SEPTIN7: variants seen among roughly 807,000 people sequenced by gnomAD.
SEPTIN7 encodes the protein septin-7.
SEPTIN7 carries 10 observed loss-of-function variants against 63.3 expected under a neutral mutation model. The observed-to-expected ratio is 0.16, with a 90% confidence interval of 0.10 to 0.27. SEPTIN7 has a LOEUF of 0.27. Among genes scored for constraint, SEPTIN7 ranks in the 10% least tolerant of loss-of-function variants. The probability of loss-of-function intolerance (pLI) is 1.00; values close to 1 mark genes in which losing one functional copy is unlikely to be tolerated. For synonymous variants in SEPTIN7, 131 were observed against 165.3 expected (o/e 0.79, Z 1.59); for missense variants, 310 against 521.0 (o/e 0.59, Z 3.94).
At chr7:35,843,762 C>G (rs1260965894) in intron 3 of SEPTIN7, among the ~76,000 whole-genome samples, 2 of 152,106 alleles carry the variant, frequency 1.3e-5, no homozygotes, top group Non-Finnish European at 2.9e-5. Flanking sequence ...GCATGTCCCC[C>G]AAATTTACTA....
At chr7:35,850,944 G>A (rs993209432) in intron 3 of SEPTIN7, among the ~76,000 whole-genome samples, 14 of 152,076 alleles carry the variant, frequency 9.2e-5, no homozygotes, top group South Asian at 6.2e-4. Context: ...AAAGATAAGC[G>A]AGCATCTTTA....
chr7:35,892,826 C>T (rs1311944676), intron 11 of SEPTIN7, among the ~76,000 whole-genome samples: 1 of 152,064 alleles, frequency 6.6e-6, no homozygotes, highest in Non-Finnish European at 1.5e-5. Flanking sequence ...CATGACCATA[C>T]TTTGCCTATG....
downstream of SEPTIN7, among the ~76,000 whole-genome samples, chr7:35,911,477 G>T (rs1476564310): frequency 6.6e-6 from 1 of 152,194 alleles, no homozygotes. Flanking sequence ...TAGGAAGATT[G>T]CATTGCAGAA....
chr7:35,912,762 T>G, the SEPTIN7 span, among the ~76,000 whole-genome samples: 1 of 152,244 alleles, frequency 6.6e-6, no homozygotes, highest in Admixed American at 6.5e-5. Flanking sequence ...GAAGGAAATG[T>G]CTGCCATCTA....
chr7:35,859,798 C>T (rs1013673176), intron 3 of SEPTIN7, among the ~76,000 whole-genome samples: 11 of 152,128 alleles, frequency 7.2e-5, no homozygotes, highest in Admixed American at 5.9e-4. Flanking sequence ...ATTAGTGTGG[C>T]TTCTCTACCT....
chr7:35,886,725 C>T (rs1427673340), intron 10 of SEPTIN7, among the ~76,000 whole-genome samples: 1 of 151,964 alleles, frequency 6.6e-6, no homozygotes, highest in East Asian at 1.9e-4. Flanking sequence ...ACCCACTTTC[C>T]CAAAACATAA....
rs1234626961 is a variant in SEPTIN7, at chr7:35,857,362, A to C, written c.170-6190A>C. The stretch of plus-strand genomic sequence containing the variant: ...TTGATGGAGATCACCCAGTTAGTGT[A>C]GCTATGGTTCACATTGTAATTGGTC... On this transcript the variant is annotated intron_variant, in intron 3 of 13. Coordinates refer to ENST00000350320, the MANE Select transcript of SEPTIN7 (RefSeq NM_001788.6). Among the ~76,000 whole-genome samples the C allele has an allele frequency of 2.0e-5, 3 of 152,200 alleles. 1 individual carries two copies. The highest frequency in any genetic ancestry group is 2.0e-4 in the Admixed American group (3 of 15,286).
chr7:35,873,174 G>T (rs1786261924), intron 5 of SEPTIN7, among the ~76,000 whole-genome samples: 2 of 152,030 alleles, frequency 1.3e-5, no homozygotes, highest in Middle Eastern at 3.4e-3. Flanking sequence ...AAACAACTAT[G>T]AAATTTTAGT....
chr7:35,807,467 C>T (rs1788424874), intron 1 of SEPTIN7, among the ~76,000 whole-genome samples: 1 of 150,468 alleles, frequency 6.6e-6, no homozygotes, highest in Non-Finnish European at 1.5e-5. Context: ...CGGGTTCACA[C>T]CATTCTCCTG....
In SEPTIN7 at chr7:35,801,203, G is replaced by A. The variant is rs1158723875; in HGVS notation, c.-7G>A. 1 of 1,505,678 alleles carries A rather than the reference G, an allele frequency of 6.6e-7. No individual in the cohort carries two copies. The highest frequency in any genetic ancestry group is 8.9e-7 in the Non-Finnish European group (1 of 1,125,886). 93.3% of individuals were successfully genotyped at this position (1,505,678 alleles called of 1,614,324 possible). A position where few individuals can be genotyped will look rare whatever the true frequency, so the allele number is the denominator to read the frequency against. On this transcript the variant is annotated 5_prime_UTR_variant, in exon 1 of 14. Coordinates refer to ENST00000350320, the MANE Select transcript of SEPTIN7 (RefSeq NM_001788.6). Reference sequence around the variant, plus strand: ...CCGCTGGGGCTGGTCGCGGAGGGGGGGAGGGGATGTCGGTCAGTGCGAGAT... The same window carrying A: ...CCGCTGGGGCTGGTCGCGGAGGGGGAGAGGGGATGTCGGTCAGTGCGAGAT...
At chr7:35,817,716 A>G (rs1319583184) in intron 1 of SEPTIN7, among the ~76,000 whole-genome samples, 1 of 152,040 alleles carries the variant, frequency 6.6e-6, no homozygotes, top group Non-Finnish European at 1.5e-5. Context: ...TTTGTGAACA[A>G]CATTTTTATA....
At chr7:35,864,126 T>C (rs1246952883) in intron 4 of SEPTIN7, among the ~76,000 whole-genome samples, 2 of 151,872 alleles carry the variant, frequency 1.3e-5, no homozygotes, top group Non-Finnish European at 2.9e-5. Context: ...AAAACGTGAT[T>C]TATAGAAAAG....
intron 13 of SEPTIN7, among the ~76,000 whole-genome samples, chr7:35,903,778 T>A (rs1324037344): frequency 6.6e-6 from 1 of 152,196 alleles, no homozygotes; most frequent in East Asian, 1.9e-4. Flanking sequence ...CCTATAAGGA[T>A]TATATAGTTT....
At chr7:35,818,485 A>T (rs2115771407) in intron 1 of SEPTIN7, among the ~76,000 whole-genome samples, 1 of 152,140 alleles carries the variant, frequency 6.6e-6, no homozygotes, top group South Asian at 2.1e-4. Context: ...TGAGTTGGGA[A>T]GTATTTAATC....
Position 35,832,896 on chromosome 7 carries a change from A to G in SEPTIN7, c.165A>G (p.Val55=). The G allele has an allele frequency of 6.4e-7, 1 of 1,554,542 alleles. No individual in the cohort carries two copies. Among genetic ancestry groups the G allele is most frequent in the Non-Finnish European group, 8.9e-7 (1 of 1,126,088 alleles). Residue 55 remains valine, a synonymous_variant, in exon 3 of 14, where the codon GTA becomes GTG. Transcript: ENST00000350320. ...VKRGFEFTLM[V]VGESGLGKST... Reference sequence around the variant, plus strand: ...GAGGTTTTGAATTCACGCTTATGGTAGTGGGTAAGATATGATTTCTTACTA... The same window carrying G: ...GAGGTTTTGAATTCACGCTTATGGTGGTGGGTAAGATATGATTTCTTACTA...
chr7:35,892,476 G>A (rs752565120), intron 11 of SEPTIN7, among the ~76,000 whole-genome samples: 4 of 151,960 alleles, frequency 2.6e-5, no homozygotes, highest in African/African-American at 7.2e-5. Flanking sequence ...TAAAAGAAAC[G>A]CATACACAAA....
chr7:35,816,050 C>CAGT (rs1789037729), intron 1 of SEPTIN7, among the ~76,000 whole-genome samples: 1 of 152,096 alleles, frequency 6.6e-6, no homozygotes, highest in African/African-American at 2.4e-5. Context: ...AGGTAGTGTA[C>CAGT]AGTACATGCT....
chr7:35,855,407 C>A (rs1424258856), intron 3 of SEPTIN7, among the ~76,000 whole-genome samples: 2 of 152,092 alleles, frequency 1.3e-5, no homozygotes, highest in Admixed American at 1.3e-4. Flanking sequence ...AAAGTGAAAT[C>A]CTGGGTCAAA....
intron 1 of SEPTIN7, among the ~76,000 whole-genome samples, chr7:35,824,811 T>A (rs139140511): frequency 6.6e-6 from 1 of 152,360 alleles, no homozygotes; most frequent in East Asian, 1.9e-4. Flanking sequence ...AACTTTAGTT[T>A]TATATTTTAT....
Sources: gnomAD v4.1 joint callset for allele counts (sites outside exome capture counted in the v4.1 genomes callset) on GRCh38, gnomAD v4.1.1 for gene constraint, MANE v1.5 for transcripts, NCBI Gene and HGNC (gene_info 2026-07-23, HGNC 2026-07-21) for gene names.